The following NRG1 variants were observed in gnomAD, a reference collection of about 807,000 sequenced individuals.
NRG1 encodes pro-neuregulin-1, membrane-bound isoform.
NRG1 carries 18 observed loss-of-function variants against 63.8 expected under a neutral mutation model. The observed-to-expected ratio is 0.28, with a 90% confidence interval of 0.19 to 0.42. The LOEUF is 0.42. NRG1 is among the 10% of genes least tolerant of loss of function. NRG1 has a pLI of 1.00. For synonymous variants in NRG1, 302 were observed against 301.3 expected, an observed-to-expected ratio of 1.00 and a Z score of -0.02; for missense variants, 762 against 814.7, an observed-to-expected ratio of 0.94 and a Z score of 0.79.
At chr8:32,103,421 G>C (rs1271320978) in intron 1 of NRG1, among the ~76,000 whole-genome samples, 1 of 152,124 alleles carries the variant, frequency 6.6e-6, no homozygotes, top group Non-Finnish European at 1.5e-5. Context: ...CAATTTCTTT[G>C]TCCATTCATG....
At chr8:32,171,395 T>A (rs1225374825) in intron 1 of NRG1, 1 of 152,202 alleles carries the variant, frequency 6.6e-6, no homozygotes, top group African/African-American at 2.4e-5. Context: ...TAGGAAGAGC[T>A]CCAGTCTAGA....
intron 6 of NRG1, among the ~76,000 whole-genome samples, chr8:32,732,130 T>C (rs1394236357): frequency 6.6e-6 from 1 of 152,228 alleles, no homozygotes; most frequent in Admixed American, 6.5e-5. Context: ...GGGGACTGTG[T>C]GGGAATTTCA....
At chr8:32,415,499 T>C (rs1294489099) in intron 1 of NRG1, among the ~76,000 whole-genome samples, 1 of 151,430 alleles carries the variant, frequency 6.6e-6, no homozygotes, top group Non-Finnish European at 1.5e-5. Flanking sequence ...TCTTCAGTGA[T>C]TTTTTTTCCT....
intron 5 of NRG1, among the ~76,000 whole-genome samples, chr8:32,709,640 C>G (rs777839982): frequency 2.0e-5 from 3 of 151,886 alleles, no homozygotes; most frequent in Admixed American, 6.6e-5. Flanking sequence ...AGGCTGGTCT[C>G]GAACTCCTAG....
chr8:32,517,576 A>G (rs1829952373), intron 1 of NRG1, among the ~76,000 whole-genome samples: 1 of 152,198 alleles, frequency 6.6e-6, no homozygotes, highest in Admixed American at 6.5e-5. Flanking sequence ...TAAGTATTAC[A>G]TGTCTAATGT....
intron 6 of NRG1, among the ~76,000 whole-genome samples, chr8:32,729,389 C>T (rs1233542658): frequency 1.3e-5 from 2 of 152,282 alleles, no homozygotes; most frequent in Admixed American, 6.5e-5. Context: ...AAAGTCGTTC[C>T]TTAAAAAATG....
intron 1 of NRG1, among the ~76,000 whole-genome samples, chr8:31,865,091 A>T (rs532969927): frequency 6.6e-6 from 1 of 152,246 alleles, no homozygotes; most frequent in Non-Finnish European, 1.5e-5. Context: ...AAGCGTTTTC[A>T]GTTTGGGCAT....
At chr8:32,446,942 G>A (rs1049960320) in intron 1 of NRG1, among the ~76,000 whole-genome samples, 2 of 152,030 alleles carry the variant, frequency 1.3e-5, no homozygotes, top group Admixed American at 6.6e-5. Flanking sequence ...GAAAAATATG[G>A]TAAGTTTGTC....
chr8:31,824,407 T>C (rs1188627965), intron 1 of NRG1, among the ~76,000 whole-genome samples: 1 of 152,114 alleles, frequency 6.6e-6, no homozygotes, highest in Non-Finnish European at 1.5e-5. Flanking sequence ...CTGCTTTCAA[T>C]TCCTGAAGGG....
intron 1 of NRG1, among the ~76,000 whole-genome samples, chr8:31,970,939 G>C (rs1293243036): frequency 6.6e-6 from 1 of 152,040 alleles, no homozygotes; most frequent in Non-Finnish European, 1.5e-5. Flanking sequence ...AGCTACTCGG[G>C]AGGCTGAGGC....
At chr8:32,454,327 A>G (rs1295999995) in intron 1 of NRG1, among the ~76,000 whole-genome samples, 1 of 152,212 alleles carries the variant, frequency 6.6e-6, no homozygotes, top group East Asian at 1.9e-4. Flanking sequence ...AAGATGCCTT[A>G]GAAACTTTTC....
intron 1 of NRG1, among the ~76,000 whole-genome samples, chr8:31,939,835 AT>A (rs1801482770): frequency 6.6e-6 from 1 of 152,194 alleles, no homozygotes. Flanking sequence ...TCATTATATA[AT>A]GTTAAAGGGA....
At chr8:32,079,516 CAA>C (rs1234335308) in intron 1 of NRG1, among the ~76,000 whole-genome samples, 1 of 152,168 alleles carries the variant, frequency 6.6e-6, no homozygotes, top group Non-Finnish European at 1.5e-5. Flanking sequence ...GACACGAATT[CAA>C]GTTTCTCTTC....
intron 1 of NRG1, among the ~76,000 whole-genome samples, chr8:32,445,317 C>T (rs1820104351): frequency 6.6e-6 from 1 of 151,876 alleles, no homozygotes. Context: ...TTTCCGAATA[C>T]CTTTTTATCC....
intron 1 of NRG1, among the ~76,000 whole-genome samples, chr8:32,037,475 G>C (rs1016757591): frequency 6.6e-6 from 1 of 152,208 alleles, no homozygotes; most frequent in African/African-American, 2.4e-5. Flanking sequence ...CTGCACTCAG[G>C]AGAATCCGCC....
At chr8:32,582,836 T>G (rs951069546) in intron 1 of NRG1, among the ~76,000 whole-genome samples, 1 of 152,246 alleles carries the variant, frequency 6.6e-6, no homozygotes, top group African/African-American at 2.4e-5. Context: ...TATTTCATGC[T>G]TCAAGGTTTT....
chr8:32,059,338 A>G (rs1325173319), intron 1 of NRG1, among the ~76,000 whole-genome samples: 1 of 151,860 alleles, frequency 6.6e-6, no homozygotes, highest in Non-Finnish European at 1.5e-5. Context: ...CACTGGACTT[A>G]CAACTCCTAG....
intron 1 of NRG1, among the ~76,000 whole-genome samples, chr8:31,858,533 A>T (rs1292888654): frequency 6.6e-6 from 1 of 152,194 alleles, no homozygotes; most frequent in Non-Finnish European, 1.5e-5. Flanking sequence ...TGGATTTTAT[A>T]TGACAACTGG....
At chr8:32,756,629 A>G (rs770779308) in intron 9 of NRG1, 100 bp downstream of exon 9, 24 of 1,434,096 alleles carry the variant, frequency 1.7e-5, no homozygotes, top group South Asian at 1.0e-4. Flanking sequence ...AGCTGCTGCC[A>G]TTAATCACCA....
Sources: gnomAD v4.1 joint callset for allele counts (sites outside exome capture counted in the v4.1 genomes callset) on GRCh38, gnomAD v4.1.1 for gene constraint, MANE v1.5 for transcripts, NCBI Gene and HGNC (gene_info 2026-07-23, HGNC 2026-07-21) for gene names.